Variants in ZPBP observed in about 807,000 individuals in gnomAD.
The protein encoded by ZPBP is zona pellucida-binding protein 1.
A neutral mutation model predicts 44.8 loss-of-function variants in ZPBP; 26 were observed. The observed-to-expected ratio is 0.58, with a 90% CI of 0.43 to 0.81. The LOEUF is 0.81. Ranked by LOEUF, ZPBP falls within the 30% of genes least tolerant of loss-of-function variation. ZPBP has a pLI of 0.00. For missense variants in ZPBP, 409 were observed against 434.0 expected, an observed-to-expected ratio of 0.94 and a Z score of 0.51; for synonymous variants, 174 against 153.2, an observed-to-expected ratio of 1.14 and a Z score of -1.00.
At chr7:49,912,411 G>T in intron 1 of ZPBP, 1 of 448,948 alleles carries the variant, frequency 2.2e-6, no homozygotes, top group South Asian at 3.2e-5. Context: ...CTAAATAAAT[G>T]TGCTATTTTC....
intron 7 of ZPBP, among the ~76,000 whole-genome samples, chr7:49,961,623 T>C (rs1795863273): frequency 2.0e-5 from 3 of 152,258 alleles, no homozygotes; most frequent in South Asian, 2.1e-4. Context: ...TAAAACAAGT[T>C]GTAGAAGTTA....
chr7:49,895,080 G>GAA (rs1340393416), intron 2 of ZPBP, among the ~76,000 whole-genome samples: 2 of 152,164 alleles, frequency 1.3e-5, no homozygotes, highest in Non-Finnish European at 2.9e-5. Flanking sequence ...ATAAACATCA[G>GAA]AAATGTATTT....
chr7:49,895,755 T>A (rs1429970687), intron 2 of ZPBP, among the ~76,000 whole-genome samples: 1 of 152,068 alleles, frequency 6.6e-6, no homozygotes, highest in African/African-American at 2.4e-5. Context: ...ATATATAGCA[T>A]ATAAATATAA....
intron 6 of ZPBP, among the ~76,000 whole-genome samples, chr7:50,001,131 T>C (rs947809725): frequency 3.9e-5 from 6 of 152,200 alleles, no homozygotes; most frequent in Non-Finnish European, 7.3e-5. Context: ...TATAAATTTA[T>C]ACTGTTTAAG....
chr7:50,076,045 A>T (rs1231387358), intron 3 of ZPBP, among the ~76,000 whole-genome samples: 1 of 151,930 alleles, frequency 6.6e-6, no homozygotes, highest in Admixed American at 6.6e-5. Context: ...GGTTAGAAAG[A>T]TCATTTATCA....
At chr7:50,080,759 G>C (rs1408494056) in intron 3 of ZPBP, among the ~76,000 whole-genome samples, 1 of 151,668 alleles carries the variant, frequency 6.6e-6, no homozygotes, top group African/African-American at 2.4e-5. Flanking sequence ...GATTATATAA[G>C]CTGCAAAACT....
At position 49,978,066 on chromosome 7, in the gene ZPBP, TGTTTTTG is replaced by T. The variant is rs1302315843; in HGVS notation, c.961+5269_961+5275del. The stretch of plus-strand genomic sequence containing the variant: ...ATGCTACTTGATCTACAAGTTTGTT[TGTTTTTG>T]GTTTTTTGTTTTTTTTTTTTTGAAA... On this transcript the variant is annotated intron_variant, in intron 7 of 7. Coordinates refer to ENST00000046087, the MANE Select transcript of ZPBP (RefSeq NM_007009.3). Among the ~76,000 whole-genome samples, 75 of 125,338 alleles carry T rather than the reference TGTTTTTG, an allele frequency of 6.0e-4. 1 individual carries two copies. Among genetic ancestry groups the T allele is most frequent in the African/African-American group, 1.8e-3 (53 of 29,870 alleles). 82.2% of individuals were successfully genotyped at this position (125,338 alleles called of 152,430 possible).
intron 6 of ZPBP, among the ~76,000 whole-genome samples, chr7:50,007,670 T>C (rs1240025748): frequency 6.6e-6 from 1 of 151,994 alleles, no homozygotes; most frequent in East Asian, 1.9e-4. Context: ...AAAAGAATGA[T>C]TGTACACCAT....
intron 2 of ZPBP, among the ~76,000 whole-genome samples, chr7:49,852,688 A>T (rs1400710083): frequency 6.7e-6 from 1 of 149,928 alleles, no homozygotes; most frequent in Non-Finnish European, 1.5e-5. Context: ...GGTGTGACGG[A>T]TGGGGGACGG....
At chr7:49,986,513 C>T (rs190122776) in intron 6 of ZPBP, among the ~76,000 whole-genome samples, 1 of 152,308 alleles carries the variant, frequency 6.6e-6, no homozygotes, top group East Asian at 1.9e-4. Flanking sequence ...CCAAGAAGTC[C>T]AGCTCTGTTC....
intron 4 of ZPBP, among the ~76,000 whole-genome samples, chr7:50,039,442 C>T (rs1243900924): frequency 6.6e-6 from 1 of 152,036 alleles, no homozygotes; most frequent in Non-Finnish European, 1.5e-5. Context: ...ACAAAGTGCA[C>T]CAATTAAGGT....
intron 1 of ZPBP, chr7:49,920,358 T>A (rs1349882415): frequency 2.0e-5 from 3 of 152,226 alleles, no homozygotes; most frequent in Non-Finnish European, 4.4e-5. Flanking sequence ...GAAGGTCATC[T>A]TTCTATACAT....
intron 7 of ZPBP, chr7:49,940,743 C>A: frequency 1.0e-6 from 1 of 985,070 alleles, no homozygotes; most frequent in African/African-American, 1.7e-5. Flanking sequence ...CCCCATGCAG[C>A]TCTGGAAGAT....
chr7:49,981,346 TATAATATATATTATA>T (rs1463638201), intron 7 of ZPBP, among the ~76,000 whole-genome samples: 15,923 of 40,856 alleles, frequency 0.39, 2,861 homozygotes, highest in Middle Eastern at 0.54. Flanking sequence ...ATATATATTA[TATAATATATATTATA>T]TATAATTATA....
At chr7:49,961,796 T>C (rs1334982553) in intron 7 of ZPBP, among the ~76,000 whole-genome samples, 1 of 152,090 alleles carries the variant, frequency 6.6e-6, no homozygotes, top group African/African-American at 2.4e-5. Context: ...ATGAAATTGT[T>C]GAGGACTTCA....
the ZPBP span, among the ~76,000 whole-genome samples, chr7:49,843,512 C>A: frequency 5.3e-3 from 802 of 152,228 alleles, 5 homozygotes; most frequent in Middle Eastern, 0.017. Context: ...CACTAATTCA[C>A]GATAATTTGA....
chr7:50,061,793 C>G (rs1366218132), intron 3 of ZPBP, among the ~76,000 whole-genome samples: 5 of 152,142 alleles, frequency 3.3e-5, no homozygotes, highest in African/African-American at 1.2e-4. Flanking sequence ...AGACAGGAAG[C>G]TGAGGCATGA....
intron 1 of ZPBP, among the ~76,000 whole-genome samples, chr7:49,922,720 G>T (rs548952228): frequency 6.6e-6 from 1 of 152,262 alleles, no homozygotes; most frequent in East Asian, 1.9e-4. Context: ...TACAAAGGCG[G>T]GTAACCTCCC....
intron 6 of ZPBP, among the ~76,000 whole-genome samples, chr7:50,014,478 T>C (rs917386181): frequency 1.3e-5 from 2 of 150,594 alleles, no homozygotes; most frequent in African/African-American, 4.9e-5. Flanking sequence ...TTTTTTTTTT[T>C]TTTGAGACGA....
Sources: allele counts gnomAD v4.1 joint callset (sites outside exome capture counted in the v4.1 genomes callset), GRCh38; gene constraint gnomAD v4.1.1; transcripts MANE v1.5; gene names NCBI Gene and HGNC (gene_info 2026-07-23, HGNC 2026-07-21).